The following POLI variants were observed in gnomAD, a reference collection of about 807,000 sequenced individuals.
The protein encoded by POLI is RAD30 homolog B.
In POLI, 58 loss-of-function variants were observed where a neutral mutation model predicts 51.6. The observed-to-expected ratio is 1.12, with a 90% CI of 0.91 to 1.40. POLI has a LOEUF of 1.40. Among genes scored for constraint, POLI ranks in the 40% most tolerant of loss-of-function variants. The pLI, the probability that POLI is intolerant of heterozygous loss-of-function variation, is 0.00. For synonymous variants in POLI, 322 were observed against 299.7 expected (o/e 1.07, Z -0.77); for missense variants, 921 against 871.3 (o/e 1.06, Z -0.72).
downstream of POLI, among the ~76,000 whole-genome samples, chr18:54,299,415 A>G (rs901817752): frequency 6.6e-6 from 1 of 152,212 alleles, no homozygotes; most frequent in Non-Finnish European, 1.5e-5. Context: ...AGCCTGAGTG[A>G]CAGAGCAAGA....
intron 7 of POLI, among the ~76,000 whole-genome samples, chr18:54,286,108 C>T (rs911036758): frequency 1.3e-5 from 2 of 152,162 alleles, no homozygotes; most frequent in African/African-American, 4.8e-5. Context: ...AAGTGATCCT[C>T]CCACCTCAAC....
chr18:54,298,588 C>CTTTTTTTTTT (rs145052748), downstream of POLI, among the ~76,000 whole-genome samples: 9 of 114,902 alleles, frequency 7.8e-5, no homozygotes, highest in African/African-American at 1.1e-4. Context: ...ACTACAGAAT[C>CTTTTTTTTTT]TTTTTTTTTT....
At chr18:54,318,551 A>G (rs2088761078) in intron 3 of POLI, among the ~76,000 whole-genome samples, 1 of 152,160 alleles carries the variant, frequency 6.6e-6, no homozygotes, top group African/African-American at 2.4e-5. Context: ...AGCTGCGTTC[A>G]TGTTTGTATT....
intron 8 of POLI, chr18:54,287,851 C>T (rs1019350381): frequency 3.9e-5 from 6 of 153,126 alleles, no homozygotes; most frequent in African/African-American, 1.4e-4. Context: ...AGCTACTGCA[C>T]CTGGCCTTGT....
At position 54,294,144 on chromosome 18, in the gene POLI, A is replaced by G; in HGVS notation, c.1900A>G (p.Ile634Val). 1.9e-6 allele frequency: 3 copies of G among 1,611,458 alleles called. No homozygotes were observed. Among genetic ancestry groups the G allele is most frequent in the South Asian group, 1.1e-5 (1 of 90,972 alleles). ...YLDNRLKDER[I>V]SQGPKEPQGF... ...AGATAATAGATTAAAAGATGAACGA[A>G]TAAGTCAAGGACCTAAAGAACCTCA... The change falls in exon 10 of 10, where the codon ATA becomes GTA. Residue 634 changes from isoleucine to valine, a missense_variant. By Grantham distance (29) the Ile-to-Val change is conservative (BLOSUM62 3). Coordinates refer to ENST00000579534, the MANE Select transcript of POLI (RefSeq NM_007195.3).
At chr18:54,287,619 AC>A in intron 8 of POLI, 1 of 380,088 alleles carries the variant, frequency 2.6e-6, no homozygotes, top group South Asian at 2.6e-5. Context: ...CTTGCTCTGC[AC>A]CAAGGCTGAA....
Position 54,287,505 on chromosome 18 carries a change from T to G in POLI, c.1198+94T>G. The G allele has an allele frequency of 2.4e-6, 2 of 835,734 alleles. 1 individual carries two copies. Among genetic ancestry groups the G allele is most frequent in the East Asian group, 5.4e-5 (2 of 37,290 alleles). The allele number at this position is 835,734 out of a possible 1,614,324, so 51.8% of individuals were successfully genotyped here. ...AATATGCTCCAAAAATGGAGGGTCT[T>G]CACAGGGAATTAGCAAGCAATTAAA... On this transcript the variant is annotated intron_variant, in intron 8 of 9. Coordinates refer to ENST00000579534, the MANE Select transcript of POLI (RefSeq NM_007195.3).
chr18:54,285,813 C>T (rs540136823), intron 7 of POLI, among the ~76,000 whole-genome samples: 5 of 152,148 alleles, frequency 3.3e-5, no homozygotes, highest in South Asian at 2.1e-4. Flanking sequence ...AAGCAGCCAT[C>T]GAGAAGTTTT....
chr18:54,277,537 AGAAAAAAC>A (rs1335831671), intron 3 of POLI, among the ~76,000 whole-genome samples, 158 bp from the exon 4 acceptor site: 1 of 152,218 alleles, frequency 6.6e-6, no homozygotes, highest in Non-Finnish European at 1.5e-5. Flanking sequence ...GATGTGGTAC[AGAAAAAAC>A]GTCAATTAAC....
At chr18:54,278,963 A>G (rs1471015792) in intron 4 of POLI, among the ~76,000 whole-genome samples, 1 of 152,214 alleles carries the variant, frequency 6.6e-6, no homozygotes, top group Non-Finnish European at 1.5e-5. Flanking sequence ...TTTCTAGAAT[A>G]CATGGAGCTT....
chr18:54,271,252 C>T (rs537801653), intron 1 of POLI, 108 bp from the exon 2 acceptor site: 95 of 878,466 alleles, frequency 1.1e-4, no homozygotes, highest in East Asian at 3.6e-4. Flanking sequence ...GGAGAAAACA[C>T]GTCACTCTGC....
At chr18:54,269,810 G>A in intron 1 of POLI, 149 bp downstream of exon 1, 1 of 1,368,162 alleles carries the variant, frequency 7.3e-7, no homozygotes, top group Non-Finnish European at 9.4e-7. Flanking sequence ...TCTGCCTTGT[G>A]TTACGCGGCG....
intron 3 of POLI, among the ~76,000 whole-genome samples, chr18:54,309,839 C>T (rs989900959): frequency 2.0e-5 from 3 of 152,204 alleles, no homozygotes; most frequent in East Asian, 1.9e-4. Flanking sequence ...AGTTCCATCT[C>T]GGACTGCTGC....
At chr18:54,310,177 C>T (rs1008466385) in intron 3 of POLI, among the ~76,000 whole-genome samples, 3 of 152,210 alleles carry the variant, frequency 2.0e-5, no homozygotes, top group African/African-American at 7.2e-5. Flanking sequence ...ATCAGTCACA[C>T]TAGGAACTGC....
In POLI at chr18:54,295,499, A is replaced by G; in HGVS notation, c.*1032A>G. On this transcript the variant is annotated 3_prime_UTR_variant, in exon 10 of 10. Transcript: ENST00000579534. The stretch of plus-strand genomic sequence containing the variant: ...AAGTATCCCTCAGCACCAATATGGG[A>G]GTATCCTGGTCTCAAGTTTATAATT... 2 of 943,020 alleles carry G rather than the reference A, an allele frequency of 2.1e-6. No individual in the cohort carries two copies. Among genetic ancestry groups the G allele is most frequent in the Non-Finnish European group, 2.5e-6 (2 of 791,376 alleles). 58.4% of individuals were successfully genotyped at this position (943,020 alleles called of 1,614,324 possible).
chr18:54,297,092 AT>A lies in POLI; in HGVS notation c.*2627del. 1.0e-6 allele frequency: 1 copy of A among 985,362 alleles called. No individual in the cohort carries two copies. The highest frequency in any genetic ancestry group is 1.2e-6 in the Non-Finnish European group (1 of 829,908). The allele number at this position is 985,362 out of a possible 1,614,324, so 61.0% of individuals were successfully genotyped here. A position where few individuals can be genotyped will look rare whatever the true frequency, so the allele number is the denominator to read the frequency against. ...ACTCTATTCACCTTTGTGGATCCTG[AT>A]TGAATGCCTTGTCTTAAGTGTAAGC... On this transcript the variant is annotated 3_prime_UTR_variant, in exon 10 of 10. Coordinates refer to ENST00000579534, the MANE Select transcript of POLI (RefSeq NM_007195.3).
intron 3 of POLI, among the ~76,000 whole-genome samples, chr18:54,276,708 G>A (rs2087254736): frequency 6.6e-6 from 1 of 152,138 alleles, no homozygotes; most frequent in South Asian, 2.1e-4. Flanking sequence ...GTTTTCTCAG[G>A]AGTGATTTTT....
intron 1 of POLI, 46 bp downstream of exon 1, chr18:54,269,707 A>T (rs2144409658): frequency 6.9e-7 from 1 of 1,449,308 alleles, no homozygotes; most frequent in East Asian, 2.9e-5. Flanking sequence ...GGTGTAAATG[A>T]GAAGGGTGGG....
chr18:54,294,121 A>G lies in POLI; in HGVS notation c.1877A>G (p.Asp626Gly), dbSNP rs1364960881. ...CAAAAGGATTATTCATATTATTTAG[A>G]TAATAGATTAAAAGATGAACGAATA... ...SSQKDYSYYL[D>G]NRLKDERISQ... Residue 626 changes from aspartate to glycine, a missense_variant, in exon 10 of 10, where the codon GAT becomes GGT. By Grantham distance (94) the Asp-to-Gly change is moderately conservative (BLOSUM62 -1). Transcript: ENST00000579534. 2 of 1,609,256 alleles carry G rather than the reference A, an allele frequency of 1.2e-6. No individual in the cohort carries two copies. The highest frequency in any genetic ancestry group is 1.3e-5 in the African/African-American group (1 of 74,814).
Sources: gnomAD v4.1 joint callset for allele counts (sites outside exome capture counted in the v4.1 genomes callset) on GRCh38, gnomAD v4.1.1 for gene constraint, MANE v1.5 for transcripts, NCBI Gene and HGNC (gene_info 2026-07-23, HGNC 2026-07-21) for gene names.